The following ULK4 variants were observed in gnomAD, a reference collection of about 807,000 sequenced individuals.
The protein encoded by ULK4 is inactive serine/threonine-protein kinase ULK4.
Under a neutral mutation model 160.6 loss-of-function variants are expected in ULK4, and 133 were observed. The observed-to-expected ratio is 0.83, with a 90% CI of 0.72 to 0.96. The LOEUF is 0.96. Ranked by LOEUF, ULK4 falls within the 40% of genes least tolerant of loss-of-function variation. The pLI is 0.00. For synonymous variants in ULK4, 534 were observed against 539.8 expected, an observed-to-expected ratio of 0.99 and a Z score of 0.15; for missense variants, 1,580 against 1,499.5, an observed-to-expected ratio of 1.05 and a Z score of -0.89.
intron 17 of ULK4, among the ~76,000 whole-genome samples, chr3:41,873,384 C>A (rs1163779574): frequency 6.6e-6 from 1 of 152,058 alleles, no homozygotes; most frequent in Non-Finnish European, 1.5e-5. Context: ...CAATAACCAC[C>A]ATCTCATCTT....
intron 35 of ULK4, among the ~76,000 whole-genome samples, chr3:41,296,393 G>T (rs1446970162): frequency 2.6e-5 from 4 of 152,154 alleles, no homozygotes; most frequent in Non-Finnish European, 5.9e-5. Context: ...CTTGGCCAGG[G>T]TGTTCACCCA....
chr3:41,301,351 A>G (rs2079792409), intron 35 of ULK4, among the ~76,000 whole-genome samples: 1 of 152,156 alleles, frequency 6.6e-6, no homozygotes, highest in African/African-American at 2.4e-5. Flanking sequence ...GCATTTCACT[A>G]TAACGACAGA....
At chr3:41,331,962 TTTC>T (rs1305192415) in intron 35 of ULK4, among the ~76,000 whole-genome samples, 5 of 152,240 alleles carry the variant, frequency 3.3e-5, no homozygotes, top group African/African-American at 4.8e-5. Context: ...TGGTATGATT[TTTC>T]TTTTCACCTG....
chr3:41,750,502 A>C (rs1335631364), intron 22 of ULK4, among the ~76,000 whole-genome samples: 1 of 152,034 alleles, frequency 6.6e-6, no homozygotes, highest in East Asian at 1.9e-4. Context: ...TCAAGTTTCC[A>C]TGTCTTTGCC....
At chr3:41,301,115 G>A (rs972683596) in intron 35 of ULK4, among the ~76,000 whole-genome samples, 16 of 151,634 alleles carry the variant, frequency 1.1e-4, no homozygotes, top group African/African-American at 3.6e-4. Context: ...ATGAAAAGGC[G>A]TGATTTCTGA....
chr3:41,458,596 T>A (rs541559063), intron 33 of ULK4, among the ~76,000 whole-genome samples: 1 of 152,002 alleles, frequency 6.6e-6, no homozygotes, highest in African/African-American at 2.4e-5. Flanking sequence ...AGCTTCTTAG[T>A]ATTAAAAAAA....
chr3:41,918,813 G>A (rs1699067469), intron 6 of ULK4, among the ~76,000 whole-genome samples: 1 of 152,002 alleles, frequency 6.6e-6, no homozygotes, highest in Admixed American at 6.6e-5. Flanking sequence ...GTGTTAGCCA[G>A]GATGGTCTCA....
At chr3:41,622,138 T>C (rs1397421711) in intron 30 of ULK4, among the ~76,000 whole-genome samples, 1 of 152,116 alleles carries the variant, frequency 6.6e-6, no homozygotes, top group Admixed American at 6.5e-5. Flanking sequence ...TGTGGAGAAA[T>C]AGGAACACTT....
At position 41,324,594 on chromosome 3, in the gene ULK4, G is replaced by A. The variant is rs73831312; in HGVS notation, c.3678+73485C>T. Among the ~76,000 whole-genome samples the A allele has an allele frequency of 5.5e-3, 835 of 152,340 alleles. 13 individuals are homozygous for A. The highest frequency in any genetic ancestry group is 0.019 in the African/African-American group (793 of 41,578). On this transcript the variant is annotated intron_variant, in intron 35 of 36. Transcript: ENST00000301831. The stretch of plus-strand genomic sequence containing the variant: ...AGCAGGCACTTAGAGTGCAGACAAG[G>A]GGAGGGGGCTTGCTCACCTATTCAG...
At chr3:41,897,251 C>G (rs1185615734) in intron 14 of ULK4, among the ~76,000 whole-genome samples, 2 of 152,166 alleles carry the variant, frequency 1.3e-5, no homozygotes, top group African/African-American at 4.8e-5. Flanking sequence ...AAGCAGATGT[C>G]TAAAGCAGAA....
At chr3:41,672,812 A>G (rs1009811000) in intron 29 of ULK4, among the ~76,000 whole-genome samples, 2 of 152,160 alleles carry the variant, frequency 1.3e-5, no homozygotes, top group Admixed American at 6.6e-5. Flanking sequence ...ACATGTGCCC[A>G]TAAGTATGTA....
chr3:41,589,458 G>C, intron 31 of ULK4, among the ~76,000 whole-genome samples: 1 of 101,386 alleles, frequency 9.9e-6, no homozygotes, highest in South Asian at 3.1e-4. Flanking sequence ...AAAATCCTAA[G>C]AAATGAGTTA....
intron 35 of ULK4, among the ~76,000 whole-genome samples, chr3:41,276,994 T>C (rs1269830600): frequency 6.6e-6 from 1 of 151,944 alleles, no homozygotes; most frequent in Non-Finnish European, 1.5e-5. Flanking sequence ...ACACATAAAC[T>C]AGAAAACCTA....
chr3:41,581,895 C>T (rs1054122129), intron 31 of ULK4, among the ~76,000 whole-genome samples: 1 of 152,168 alleles, frequency 6.6e-6, no homozygotes, highest in African/African-American at 2.4e-5. Context: ...TGTGGCTGCA[C>T]AGATGAGATG....
intron 35 of ULK4, among the ~76,000 whole-genome samples, chr3:41,310,864 G>A (rs1163779465): frequency 6.6e-6 from 1 of 151,980 alleles, no homozygotes; most frequent in East Asian, 1.9e-4. Context: ...GTGGTGATAT[G>A]TGCCTGTAGT....
At chr3:41,595,061 A>G (rs1266249529) in intron 31 of ULK4, among the ~76,000 whole-genome samples, 1 of 152,236 alleles carries the variant, frequency 6.6e-6, no homozygotes, top group African/African-American at 2.4e-5. Flanking sequence ...ATTTGGCTCT[A>G]TAAAGTCTAA....
At chr3:41,296,253 C>T (rs2079665623) in intron 35 of ULK4, among the ~76,000 whole-genome samples, 2 of 152,124 alleles carry the variant, frequency 1.3e-5, no homozygotes, top group African/African-American at 4.8e-5. Flanking sequence ...CTTCATTTTT[C>T]TGTGAACATA....
chr3:41,931,927 A>C lies in ULK4; in HGVS notation c.458T>G (p.Phe153Cys). 6.2e-7 allele frequency: 1 copy of C among 1,614,158 alleles called. No homozygotes were observed. The highest frequency in any genetic ancestry group is 1.1e-5 in the South Asian group (1 of 91,078). Reference protein sequence around the residue: ...AKVEGENLEEFFALVAAEEGG... With the variant: ...AKVEGENLEECFALVAAEEGG... ...TTCCTCTGCTGCCACCAAAGCAAAG[A>C]ACTCTTCCAAATTTTCACCTTCCAC... is the stretch of plus-strand genomic sequence containing the variant. The change falls in exon 5 of 37, where the codon TTC becomes TGC. Residue 153 changes from phenylalanine (F) to cysteine (C), a missense_variant. Physicochemically the swap from Phe to Cys is radical, Grantham distance 205. Transcript: ENST00000301831.
intron 34 of ULK4, among the ~76,000 whole-genome samples, chr3:41,419,481 T>A (rs1310212844): frequency 1.3e-5 from 2 of 152,076 alleles, no homozygotes; most frequent in East Asian, 3.9e-4. Context: ...AGATACAAAT[T>A]TGGAAATCCT....
Sources: gnomAD v4.1 joint callset for allele counts (sites outside exome capture counted in the v4.1 genomes callset) on GRCh38, gnomAD v4.1.1 for gene constraint, MANE v1.5 for transcripts, NCBI Gene and HGNC (gene_info 2026-07-23, HGNC 2026-07-21) for gene names.